Variants in FILIP1 observed in about 807,000 individuals in gnomAD.
FILIP1 encodes filamin A interacting protein 1, also known as filamin-A-interacting protein 1.
In FILIP1, 61 loss-of-function variants were observed where a neutral mutation model predicts 102.1. The ratio of observed to expected loss-of-function variants is 0.60; its 90% CI spans 0.49 to 0.74. FILIP1 has a LOEUF of 0.74. FILIP1 is among the 30% of genes least tolerant of loss of function. The pLI is 0.00. For missense variants in FILIP1, 1,314 were observed against 1,441.2 expected, an observed-to-expected ratio of 0.91 and a Z score of 1.43; for synonymous variants, 491 against 526.9, an observed-to-expected ratio of 0.93 and a Z score of 0.93.
intron 1 of FILIP1, among the ~76,000 whole-genome samples, chr6:75,432,117 T>C (rs2951932): frequency 0.7 from 106,329 of 152,064 alleles, 38,011 homozygotes; most frequent in African/African-American, 0.86. Flanking sequence ...AATAGTTCCA[T>C]TGTTTTTATT....
intron 4 of FILIP1, among the ~76,000 whole-genome samples, chr6:75,349,725 G>A (rs1774721818): frequency 6.6e-6 from 1 of 152,184 alleles, no homozygotes; most frequent in Non-Finnish European, 1.5e-5. Flanking sequence ...TGGCCGCGTT[G>A]CGCCTCGGCG....
At chr6:75,328,207 T>C (rs1249541590) in intron 4 of FILIP1, among the ~76,000 whole-genome samples, 1 of 152,230 alleles carries the variant, frequency 6.6e-6, no homozygotes, top group African/African-American at 2.4e-5. Context: ...GGAAAAATTA[T>C]ATTGTTGAGA....
chr6:75,424,327 G>A (rs941455291), intron 1 of FILIP1, among the ~76,000 whole-genome samples: 2 of 152,082 alleles, frequency 1.3e-5, no homozygotes, highest in African/African-American at 2.4e-5. Flanking sequence ...AAATGATAAA[G>A]AATCCCACTA....
chr6:75,492,806 CT>C (rs1780003029), intron 1 of FILIP1, among the ~76,000 whole-genome samples: 1 of 152,126 alleles, frequency 6.6e-6, no homozygotes, highest in South Asian at 2.1e-4. Context: ...TATTCAACAA[CT>C]TCAAGAGTAG....
chr6:75,493,399 T>G lies in FILIP1; in HGVS notation c.-7+15A>C, dbSNP rs1562678937. 1 of 152,238 alleles carries G rather than the reference T, an allele frequency of 6.6e-6. No homozygotes were observed. Among genetic ancestry groups the G allele is most frequent in the Non-Finnish European group, 1.5e-5 (1 of 68,048 alleles). The allele number at this position is 152,238 out of a possible 1,614,324, so 9.4% of individuals were successfully genotyped here. On this transcript the variant is annotated intron_variant, in intron 1 of 5. Coordinates refer to ENST00000237172, the MANE Select transcript of FILIP1 (RefSeq NM_015687.5). The stretch of plus-strand genomic sequence containing the variant: ...ATTTCTTAAGAGAGTAAGTATTTAT[T>G]TATTTTGGTCTTACCTGACGGCAGC...
intron 1 of FILIP1, among the ~76,000 whole-genome samples, chr6:75,450,716 G>A (rs1181598325): frequency 1.3e-5 from 2 of 151,694 alleles, no homozygotes; most frequent in Non-Finnish European, 2.9e-5. Context: ...AGCATGTTGG[G>A]AGGCCGAGGC....
chr6:75,381,475 A>C (rs535959634), intron 2 of FILIP1, among the ~76,000 whole-genome samples: 1 of 151,974 alleles, frequency 6.6e-6, no homozygotes, highest in Non-Finnish European at 1.5e-5. Flanking sequence ...TTATCTGCCC[A>C]CCTTGGCCTC....
At chr6:75,409,487 C>G (rs1369297158) in intron 2 of FILIP1, among the ~76,000 whole-genome samples, 1 of 152,108 alleles carries the variant, frequency 6.6e-6, no homozygotes. Flanking sequence ...GCCAAACTAA[C>G]CACGGGAAGA....
intron 4 of FILIP1, among the ~76,000 whole-genome samples, chr6:75,338,294 G>C (rs1274453328): frequency 6.6e-6 from 1 of 152,174 alleles, no homozygotes. Flanking sequence ...TTGGCTAAGA[G>C]TTCACATCCA....
chr6:75,395,538 A>G (rs916914891), intron 2 of FILIP1, among the ~76,000 whole-genome samples: 8 of 152,216 alleles, frequency 5.3e-5, no homozygotes, highest in African/African-American at 1.9e-4. Context: ...TCGACTTCCC[A>G]AAGTGCTGGC....
chr6:75,433,880 G>A lies in FILIP1; in HGVS notation c.-6-18902C>T, dbSNP rs1777918094. Among the ~76,000 whole-genome samples, 2 of 152,166 alleles carry A rather than the reference G, an allele frequency of 1.3e-5. 1 individual carries two copies. Among genetic ancestry groups the A allele is most frequent in the African/African-American group, 4.8e-5 (2 of 41,426 alleles). The stretch of plus-strand genomic sequence containing the variant: ...TAATTTCTGTATAAGGTGTAAGGAA[G>A]GGATACAGTTTCAGCTTTCTACATA... On this transcript the variant is annotated intron_variant, in intron 1 of 5. Transcript: ENST00000237172.
At chr6:75,327,409 C>T (rs1294617391) in intron 4 of FILIP1, among the ~76,000 whole-genome samples, 2 of 151,878 alleles carry the variant, frequency 1.3e-5, no homozygotes, top group Non-Finnish European at 2.9e-5. Flanking sequence ...TCCCAGAAGC[C>T]GGAATGATCC....
At chr6:75,438,832 G>A (rs558136963) in intron 1 of FILIP1, among the ~76,000 whole-genome samples, 1 of 152,228 alleles carries the variant, frequency 6.6e-6, no homozygotes, top group East Asian at 1.9e-4. Flanking sequence ...TTCTACTCAT[G>A]GACTCTTTAT....
intron 1 of FILIP1, among the ~76,000 whole-genome samples, chr6:75,476,224 G>C (rs967899237): frequency 7.4e-5 from 10 of 134,904 alleles, no homozygotes; most frequent in African/African-American, 3.0e-4. Context: ...CTGGGCGACA[G>C]AGCAAGACTC....
chr6:75,351,898 T>G (rs1427614362), intron 4 of FILIP1, among the ~76,000 whole-genome samples: 1 of 152,228 alleles, frequency 6.6e-6, no homozygotes, highest in Non-Finnish European at 1.5e-5. Flanking sequence ...GGATTTATTT[T>G]CACTGGTTAC....
chr6:75,362,619 T>A (rs908267228), intron 3 of FILIP1, 125 bp downstream of exon 3: 1 of 748,936 alleles, frequency 1.3e-6, no homozygotes, highest in Admixed American at 2.7e-5. Flanking sequence ...TACACTTTAA[T>A]TGTATATTAG....
chr6:75,443,400 A>T (rs1005811340), intron 1 of FILIP1, among the ~76,000 whole-genome samples: 5 of 152,224 alleles, frequency 3.3e-5, no homozygotes, highest in African/African-American at 1.2e-4. Flanking sequence ...ACCAATTTTT[A>T]GAAACATTTT....
exon 7 of FILIP1, chr6:75,295,163 G>A (rs538292772): frequency 4.3e-4 from 65 of 152,108 alleles, no homozygotes; most frequent in African/African-American, 1.5e-3. Context: ...ACTGTCAGTC[G>A]AAGCTGTTCT....
At chr6:75,472,186 G>C (rs1250075708) in intron 1 of FILIP1, among the ~76,000 whole-genome samples, 1 of 152,050 alleles carries the variant, frequency 6.6e-6, no homozygotes, top group Non-Finnish European at 1.5e-5. Context: ...CATACCACAG[G>C]AGTATAATCC....
Sources: gnomAD v4.1 joint callset for allele counts (sites outside exome capture counted in the v4.1 genomes callset) on GRCh38, gnomAD v4.1.1 for gene constraint, MANE v1.5 for transcripts, NCBI Gene and HGNC (gene_info 2026-07-23, HGNC 2026-07-21) for gene names.